LGR5: variants seen among roughly 807,000 people sequenced by gnomAD.
The protein encoded by LGR5 is leucine rich repeat containing G protein-coupled receptor 5, also known as leucine-rich repeat-containing G protein-coupled receptor 5.
A neutral mutation model predicts 76.7 loss-of-function variants in LGR5; 54 were observed. The observed-to-expected ratio is 0.70, with a 90% CI of 0.57 to 0.88. The LOEUF is 0.88. Ranked by LOEUF, LGR5 falls within the 40% of genes least tolerant of loss-of-function variation. The pLI is 0.00. For missense variants in LGR5, 1,078 were observed against 1,073.3 expected, an observed-to-expected ratio of 1.00 and a Z score of -0.06; for synonymous variants, 406 against 421.9, an observed-to-expected ratio of 0.96 and a Z score of 0.46.
At chr12:71,551,756 C>T (rs1184882868) in intron 4 of LGR5, among the ~76,000 whole-genome samples, 1 of 152,122 alleles carries the variant, frequency 6.6e-6, no homozygotes, top group African/African-American at 2.4e-5. Context: ...GTGGCAACAG[C>T]TCATTAACCA....
intron 1 of LGR5, among the ~76,000 whole-genome samples, chr12:71,451,954 G>A (rs1241020856): frequency 1.3e-5 from 2 of 151,992 alleles, no homozygotes; most frequent in African/African-American, 4.8e-5. Context: ...TTGACTCTAG[G>A]TCAATATTCT....
At chr12:71,500,382 A>G (rs1263294359) in intron 1 of LGR5, among the ~76,000 whole-genome samples, 2 of 152,072 alleles carry the variant, frequency 1.3e-5, no homozygotes, top group Non-Finnish European at 2.9e-5. Context: ...AAAAGCTTTT[A>G]AAAACTCCAG....
At chr12:71,548,376 A>G (rs1265056779) in intron 4 of LGR5, among the ~76,000 whole-genome samples, 1 of 151,792 alleles carries the variant, frequency 6.6e-6, no homozygotes, top group Non-Finnish European at 1.5e-5. Context: ...CTGAAAAAAT[A>G]AGGGTGACTT....
intron 2 of LGR5, among the ~76,000 whole-genome samples, chr12:71,520,009 T>A (rs1379156491): frequency 6.6e-6 from 1 of 152,038 alleles, no homozygotes; most frequent in Non-Finnish European, 1.5e-5. Context: ...CCAATGGTTA[T>A]GCATAGAACC....
At chr12:71,548,056 A>G (rs562012471) in intron 4 of LGR5, among the ~76,000 whole-genome samples, 1 of 152,312 alleles carries the variant, frequency 6.6e-6, no homozygotes, top group South Asian at 2.1e-4. Context: ...TCAAGATCAC[A>G]ATTAAGAGCT....
intron 1 of LGR5, among the ~76,000 whole-genome samples, chr12:71,476,006 G>C (rs555767825): frequency 6.6e-6 from 1 of 152,076 alleles, no homozygotes; most frequent in East Asian, 1.9e-4. Context: ...GGATTGACAC[G>C]CAGGGTTCCT....
chr12:71,542,308 G>C (rs1409864746), intron 4 of LGR5, among the ~76,000 whole-genome samples: 1 of 152,190 alleles, frequency 6.6e-6, no homozygotes, highest in Non-Finnish European at 1.5e-5. Context: ...GGGAAGCCTG[G>C]TATATCAAGA....
At chr12:71,454,202 G>A (rs557215023) in intron 1 of LGR5, among the ~76,000 whole-genome samples, 1 of 151,696 alleles carries the variant, frequency 6.6e-6, no homozygotes, top group Admixed American at 6.6e-5. Context: ...AAGAGAGCAG[G>A]TCTGGAAAAA....
At chr12:71,555,885 T>A (rs1313005007) in intron 5 of LGR5, among the ~76,000 whole-genome samples, 2 of 152,218 alleles carry the variant, frequency 1.3e-5, no homozygotes, top group African/African-American at 4.8e-5. Flanking sequence ...GTATGTTCAC[T>A]GCAGCCCTAT....
chr12:71,511,615 C>T (rs1224178948), intron 2 of LGR5, among the ~76,000 whole-genome samples: 1 of 152,192 alleles, frequency 6.6e-6, no homozygotes, highest in Non-Finnish European at 1.5e-5. Context: ...TTATAAACCA[C>T]TTCCAGGTGA....
intron 3 of LGR5, 144 bp downstream of exon 3, chr12:71,524,621 C>T (rs922546998): frequency 2.0e-6 from 1 of 508,868 alleles, no homozygotes; most frequent in Non-Finnish European, 3.5e-6. Context: ...TCATTGGTAC[C>T]ATACAGCCAT....
intron 1 of LGR5, among the ~76,000 whole-genome samples, chr12:71,450,547 T>C (rs996524074): frequency 6.6e-6 from 1 of 152,154 alleles, no homozygotes; most frequent in African/African-American, 2.4e-5. Context: ...TGGCCTCAAG[T>C]AATTATCCAC....
At chr12:71,454,535 G>C (rs1181714479) in intron 1 of LGR5, among the ~76,000 whole-genome samples, 1 of 152,176 alleles carries the variant, frequency 6.6e-6, no homozygotes, top group Non-Finnish European at 1.5e-5. Flanking sequence ...GGAGATGGTA[G>C]GAGGAAAGTG....
rs1872767072 is a variant in LGR5 at position 71,463,935 on chromosome 12, G to GTTTAAAACCAAA, written c.212+23643_212+23644insTTTAAAACCAAA. The stretch of plus-strand genomic sequence containing the variant: ...GACTTTTAAACCAAAAGTTTAAAAG[G>GTTTAAAACCAAA]AGGCCTTTGTCAGTATAGGCAAAAA... On this transcript the variant is annotated intron_variant, in intron 1 of 17. Coordinates refer to ENST00000266674, the MANE Select transcript of LGR5 (RefSeq NM_003667.4). Among the ~76,000 whole-genome samples, 4 of 152,122 alleles carry GTTTAAAACCAAA rather than the reference G, an allele frequency of 2.6e-5. No individual in the cohort carries two copies. The South Asian group carries it at 8.3e-4, about 32-fold the overall frequency.
chr12:71,474,318 T>C (rs1246258976), intron 1 of LGR5, among the ~76,000 whole-genome samples: 1 of 152,200 alleles, frequency 6.6e-6, no homozygotes, highest in African/African-American at 2.4e-5. Context: ...ACTCATTAGT[T>C]TCAAAAGTTG....
chr12:71,458,866 G>A (rs1034669317), intron 1 of LGR5, among the ~76,000 whole-genome samples: 2 of 151,792 alleles, frequency 1.3e-5, no homozygotes, highest in African/African-American at 4.8e-5. Context: ...TAAGATGAAA[G>A]AGCTCTGATG....
chr12:71,495,863 A>T (rs1047383992), intron 1 of LGR5, among the ~76,000 whole-genome samples: 27 of 151,642 alleles, frequency 1.8e-4, no homozygotes, highest in African/African-American at 6.4e-4. Context: ...TTCCTTACTT[A>T]TCAGTGTATA....
chr12:71,553,372 C>A, intron 5 of LGR5, 84 bp downstream of exon 5: 1 of 1,143,708 alleles, frequency 8.7e-7, no homozygotes, highest in Non-Finnish European at 1.3e-6. Flanking sequence ...CTCTTCAAAG[C>A]TCAAATGGGG....
chr12:71,561,335 G>A (rs542204375), intron 7 of LGR5, among the ~76,000 whole-genome samples: 3 of 152,292 alleles, frequency 2.0e-5, no homozygotes, highest in African/African-American at 7.2e-5. Flanking sequence ...CTTTCTTCAA[G>A]TCAGAAAATT....
Sources: gnomAD v4.1 joint callset for allele counts (sites outside exome capture counted in the v4.1 genomes callset) on GRCh38, gnomAD v4.1.1 for gene constraint, MANE v1.5 for transcripts, NCBI Gene and HGNC (gene_info 2026-07-23, HGNC 2026-07-21) for gene names.